The following PID1 variants were observed in gnomAD, a reference collection of about 807,000 sequenced individuals.
PID1 encodes the protein phosphotyrosine interaction domain containing 1.
A neutral mutation model predicts 19.1 loss-of-function variants in PID1; 10 were observed. That is an observed-to-expected ratio of 0.52 (90% CI 0.32 to 0.89). The LOEUF (loss-of-function observed/expected upper bound fraction) is 0.89, where lower values mean the gene tolerates loss of function less well. Among genes scored for constraint, PID1 ranks in the 40% least tolerant of loss-of-function variants. PID1 has a pLI of 0.03. For missense variants in PID1, 248 were observed against 285.3 expected (o/e 0.87, Z 0.94); for synonymous variants, 130 against 116.0 (o/e 1.12, Z -0.78).
chr2:229,027,439 G>C (rs1156874340), intron 2 of PID1, among the ~76,000 whole-genome samples: 1 of 152,158 alleles, frequency 6.6e-6, no homozygotes, highest in Non-Finnish European at 1.5e-5. Flanking sequence ...TTTGAGGCAG[G>C]TGAAGTTGAG....
intron 1 of PID1, among the ~76,000 whole-genome samples, chr2:229,172,434 T>G (rs1438160959): frequency 6.6e-6 from 1 of 152,170 alleles, no homozygotes; most frequent in Non-Finnish European, 1.5e-5. Flanking sequence ...GCTGCTTCTT[T>G]GTCTCTTCTG....
chr2:229,027,354 G>A lies in PID1; in HGVS notation c.178-1246C>T, dbSNP rs553629947. The stretch of plus-strand genomic sequence containing the variant: ...AATGGCAATATAACACATAGGCATG[G>A]GGATTGCTATGAAACTGGGGAGGGC... On this transcript the variant is annotated intron_variant, in intron 2 of 2. Coordinates refer to ENST00000392055, the MANE Select transcript of PID1 (RefSeq NM_001100818.2). 5.9e-5 allele frequency among the ~76,000 whole-genome samples: 9 copies of A among 152,332 alleles called. No homozygotes were observed. The East Asian group carries it at 1.5e-3, about 26-fold the overall frequency.
chr2:229,187,915 C>A (rs1691170364), intron 1 of PID1, among the ~76,000 whole-genome samples: 1 of 152,122 alleles, frequency 6.6e-6, no homozygotes, highest in Non-Finnish European at 1.5e-5. Flanking sequence ...CTGGCTTTAG[C>A]CTCATCATCC....
At position 229,215,564 on chromosome 2, in the gene PID1, C is replaced by A. The variant is rs114016815; in HGVS notation, c.30+55450G>T. ...CCTTGACCATAAGCAGAGCAGTGAC[C>A]AAGCAGGTGCACCTGGGCGTTCCTA... On this transcript the variant is annotated intron_variant, in intron 1 of 2. Coordinates refer to ENST00000392055, the MANE Select transcript of PID1 (RefSeq NM_001100818.2). 7.5e-3 allele frequency among the ~76,000 whole-genome samples: 1,137 copies of A among 152,250 alleles called. 14 individuals are homozygous for A. Among genetic ancestry groups the A allele is most frequent in the African/African-American group, 0.026 (1,078 of 41,538 alleles).
intron 2 of PID1, among the ~76,000 whole-genome samples, chr2:229,116,819 C>G (rs1290437299): frequency 3.9e-5 from 6 of 152,136 alleles, no homozygotes; most frequent in Non-Finnish European, 1.5e-5. Flanking sequence ...TCACACTCTT[C>G]TGGCTTTTCA....
chr2:229,271,077 G>A lies in PID1; in HGVS notation c.-34C>T. 1 of 1,539,300 alleles carries A rather than the reference G, an allele frequency of 6.5e-7. No individual in the cohort carries two copies. Among genetic ancestry groups the A allele is most frequent in the South Asian group, 1.2e-5 (1 of 83,162 alleles). On this transcript the variant is annotated 5_prime_UTR_variant, in exon 1 of 3. Coordinates refer to ENST00000392055, the MANE Select transcript of PID1 (RefSeq NM_001100818.2). ...CCTGGGTTTTGGCAGAGGAGACGCT[G>A]GCGAGACTGTCGATCGCGCCGGGGG...
intron 2 of PID1, among the ~76,000 whole-genome samples, chr2:229,030,350 T>C (rs1312933493): frequency 3.9e-5 from 6 of 152,184 alleles, no homozygotes; most frequent in Non-Finnish European, 5.9e-5. Flanking sequence ...GTGATAGTTG[T>C]GTACATTATG....
At chr2:229,094,977 C>T (rs543680335) in intron 2 of PID1, among the ~76,000 whole-genome samples, 1 of 152,246 alleles carries the variant, frequency 6.6e-6, no homozygotes, top group Admixed American at 6.5e-5. Context: ...TTATCCCCAC[C>T]ACACTCTAAT....
intron 2 of PID1, among the ~76,000 whole-genome samples, chr2:229,030,858 G>A (rs1393271009): frequency 6.6e-6 from 1 of 152,078 alleles, no homozygotes; most frequent in East Asian, 1.9e-4. Flanking sequence ...GCACAGATGT[G>A]TAGCTTATAT....
At chr2:229,189,512 T>C (rs893827615) in intron 1 of PID1, among the ~76,000 whole-genome samples, 11 of 152,150 alleles carry the variant, frequency 7.2e-5, no homozygotes, top group African/African-American at 2.4e-4. Flanking sequence ...CTGGCCAACA[T>C]GGTGAAACCC....
At chr2:229,026,401 A>G (rs1693424153) in intron 2 of PID1, among the ~76,000 whole-genome samples, 1 of 152,238 alleles carries the variant, frequency 6.6e-6, no homozygotes, top group Non-Finnish European at 1.5e-5. Context: ...ATTAAAACGA[A>G]GAGTATGATC....
intron 1 of PID1, among the ~76,000 whole-genome samples, chr2:229,269,104 T>A (rs555048623): frequency 6.6e-6 from 1 of 152,332 alleles, no homozygotes; most frequent in East Asian, 1.9e-4. Flanking sequence ...CATCGAAATT[T>A]GGGCAGCATG....
intron 1 of PID1, chr2:229,231,950 G>C (rs1311013549): frequency 6.4e-7 from 1 of 1,550,538 alleles, no homozygotes; most frequent in South Asian, 1.2e-5. Flanking sequence ...GGAAGATCAT[G>C]ATCAAGGTGC....
chr2:229,158,978 CA>C (rs1690439154), intron 1 of PID1, among the ~76,000 whole-genome samples: 1 of 151,670 alleles, frequency 6.6e-6, no homozygotes, highest in Admixed American at 6.6e-5. Context: ...TTAATGGGTA[CA>C]AAAAAACATA....
Position 229,112,065 on chromosome 2 carries a change from A to G in PID1, c.177+43753T>C, listed in dbSNP as rs181604624. Among the ~76,000 whole-genome samples, 7 of 152,348 alleles carry G rather than the reference A, an allele frequency of 4.6e-5. No homozygotes were observed. In the East Asian group the frequency reaches 1.4e-3, roughly 29 times the overall value. ...AGTAAATTAGCACATCGCTCCAATT[A>G]TTGGATAGCATGTGATGGCTAATTC... On this transcript the variant is annotated intron_variant, in intron 2 of 2. Coordinates refer to ENST00000392055, the MANE Select transcript of PID1 (RefSeq NM_001100818.2).
At chr2:229,248,516 T>C (rs1055261200) in intron 1 of PID1, among the ~76,000 whole-genome samples, 4 of 152,206 alleles carry the variant, frequency 2.6e-5, no homozygotes, top group African/African-American at 9.7e-5. Context: ...GTGAGATACT[T>C]TGAGATTCTA....
intron 1 of PID1, among the ~76,000 whole-genome samples, chr2:229,169,072 A>C (rs1289812775): frequency 6.6e-6 from 1 of 152,182 alleles, no homozygotes; most frequent in Non-Finnish European, 1.5e-5. Context: ...GGCTGACTGC[A>C]ATTGCTTGAT....
intron 1 of PID1, among the ~76,000 whole-genome samples, chr2:229,179,421 A>G (rs1184576723): frequency 6.6e-6 from 1 of 152,176 alleles, no homozygotes; most frequent in Non-Finnish European, 1.5e-5. Flanking sequence ...CTTCCCATTC[A>G]AAACACTAAA....
chr2:229,098,628 T>C (rs754357456), intron 2 of PID1, among the ~76,000 whole-genome samples: 11 of 152,158 alleles, frequency 7.2e-5, no homozygotes, highest in Non-Finnish European at 1.3e-4. Context: ...CCAAGAAATA[T>C]TTAATATGTG....
Sources: allele counts gnomAD v4.1 joint callset (sites outside exome capture counted in the v4.1 genomes callset), GRCh38; gene constraint gnomAD v4.1.1; transcripts MANE v1.5; gene names NCBI Gene and HGNC (gene_info 2026-07-23, HGNC 2026-07-21).